The following TMEM132D variants were observed in gnomAD, a reference collection of about 807,000 sequenced individuals.
TMEM132D encodes transmembrane protein 132D, also known as mature OL transmembrane protein.
Under a neutral mutation model 62.3 loss-of-function variants are expected in TMEM132D, and 21 were observed. The observed-to-expected ratio is 0.34, with a 90% CI of 0.24 to 0.49. TMEM132D has a LOEUF of 0.49. Ranked by LOEUF, TMEM132D falls within the 20% of genes least tolerant of loss-of-function variation. TMEM132D has a pLI of 0.99. For missense variants in TMEM132D, 1,346 were observed against 1,402.8 expected, an observed-to-expected ratio of 0.96 and a Z score of 0.65; for synonymous variants, 621 against 575.6, an observed-to-expected ratio of 1.08 and a Z score of -1.13.
chr12:129,091,291 G>T (rs1312862443), intron 5 of TMEM132D, among the ~76,000 whole-genome samples: 1 of 150,942 alleles, frequency 6.6e-6, no homozygotes, highest in Non-Finnish European at 1.5e-5. Context: ...AACTCACATG[G>T]TCTCTGGGGA....
At chr12:129,640,713 G>A (rs1879621445) in intron 2 of TMEM132D, among the ~76,000 whole-genome samples, 1 of 152,206 alleles carries the variant, frequency 6.6e-6, no homozygotes, top group Admixed American at 6.5e-5. Context: ...CCCAGGACCA[G>A]TACCAGTCTG....
chr12:129,717,565 A>G (rs1375703152), intron 1 of TMEM132D, among the ~76,000 whole-genome samples: 2 of 148,738 alleles, frequency 1.3e-5, no homozygotes, highest in African/African-American at 2.5e-5. Context: ...ATATTTCCGT[A>G]TGGGAAACAC....
chr12:129,599,481 T>C (rs553714444), intron 2 of TMEM132D, among the ~76,000 whole-genome samples: 21 of 152,352 alleles, frequency 1.4e-4, no homozygotes, highest in Non-Finnish European at 2.1e-4. Context: ...GACCACACTT[T>C]GTTTAATCCG....
At chr12:129,795,636 G>A (rs537783047) in intron 1 of TMEM132D, among the ~76,000 whole-genome samples, 41 of 152,294 alleles carry the variant, frequency 2.7e-4, no homozygotes, top group African/African-American at 9.6e-4. Flanking sequence ...CGTGTGTAAT[G>A]TGGGGAAAGT....
At position 129,074,933 on chromosome 12, in the gene TMEM132D, C is replaced by T. The variant is rs750749631; in HGVS notation, c.2242G>A (p.Asp748Asn). Reference protein sequence around the residue: ...LDEKVVSIHQDPKFKWPIIAA... With the variant: ...LDEKVVSIHQNPKFKWPIIAA... ...ATGATAGGCCACTTGAATTTGGGGT[C>T]TTGGTGGATGGAGACTACCTTCTCA... is the stretch of plus-strand genomic sequence containing the variant. Residue 748 changes from aspartate to asparagine, a missense_variant, in exon 9 of 9, where the codon GAC (aspartate) becomes AAC (asparagine). Transcript: ENST00000422113. The T allele has an allele frequency of 1.2e-6, 2 of 1,614,002 alleles. No homozygotes were observed. The highest frequency in any genetic ancestry group is 1.1e-5 in the South Asian group (1 of 91,052).
chr12:129,581,604 G>A (rs1280718500), intron 2 of TMEM132D, among the ~76,000 whole-genome samples: 1 of 152,202 alleles, frequency 6.6e-6, no homozygotes. Flanking sequence ...GAAGCATCCA[G>A]CATGGGAGAA....
chr12:129,770,225 C>T (rs748013712), intron 1 of TMEM132D, among the ~76,000 whole-genome samples: 9 of 144,098 alleles, frequency 6.2e-5, no homozygotes, highest in Non-Finnish European at 1.2e-4. Context: ...CTCACTGCAA[C>T]CTCTGACTCC....
chr12:129,685,633 A>G (rs1324796067), intron 2 of TMEM132D, among the ~76,000 whole-genome samples: 1 of 152,190 alleles, frequency 6.6e-6, no homozygotes, highest in East Asian at 1.9e-4. Flanking sequence ...CCACTGGGGT[A>G]CTGCCTAAAG....
Position 129,403,949 on chromosome 12 carries a change from T to C in TMEM132D, c.1116-66132A>G, listed in dbSNP as rs112016086. 8.6e-3 allele frequency among the ~76,000 whole-genome samples: 1,308 copies of C among 152,092 alleles called. 9 individuals carry two copies. Among genetic ancestry groups the C allele is most frequent in the Non-Finnish European group, 0.013 (876 of 67,984 alleles). On this transcript the variant is annotated intron_variant, in intron 3 of 8. Coordinates refer to ENST00000422113, the MANE Select transcript of TMEM132D (RefSeq NM_133448.3). ...TTGAGGTTGGCATGTGCTTTGCGTG[T>C]TGGAGGGTCAGCAAGGATGCCCGTG...
chr12:129,234,596 A>AT (rs1302424091), intron 4 of TMEM132D, among the ~76,000 whole-genome samples: 1 of 152,234 alleles, frequency 6.6e-6, no homozygotes, highest in African/African-American at 2.4e-5. Flanking sequence ...AAACCAGTAT[A>AT]TTTTTTCTGC....
At chr12:129,790,538 A>G (rs1359059276) in intron 1 of TMEM132D, among the ~76,000 whole-genome samples, 1 of 152,118 alleles carries the variant, frequency 6.6e-6, no homozygotes, top group Non-Finnish European at 1.5e-5. Flanking sequence ...CTCTGAAGTC[A>G]AGCTGCTTAT....
At chr12:129,679,179 T>C (rs264507) in intron 2 of TMEM132D, among the ~76,000 whole-genome samples, 41,934 of 151,880 alleles carry the variant, frequency 0.28, 6,029 homozygotes, top group South Asian at 0.36. Flanking sequence ...TATGGATTAA[T>C]TGGAGGTAAA....
chr12:129,865,470 C>T (rs886267060), intron 1 of TMEM132D, among the ~76,000 whole-genome samples: 2 of 152,190 alleles, frequency 1.3e-5, no homozygotes, highest in African/African-American at 4.8e-5. Context: ...TCCGTGTGAG[C>T]TCATCACGGA....
chr12:129,281,380 G>T (rs1307063301), intron 4 of TMEM132D, among the ~76,000 whole-genome samples: 2 of 147,970 alleles, frequency 1.4e-5, no homozygotes, highest in Non-Finnish European at 3.0e-5. Flanking sequence ...TTTTTTGTTT[G>T]TTTGTTTGTT....
chr12:129,501,232 C>T (rs534971557), intron 3 of TMEM132D, among the ~76,000 whole-genome samples: 1 of 152,176 alleles, frequency 6.6e-6, no homozygotes, highest in East Asian at 1.9e-4. Flanking sequence ...CGATCTATCC[C>T]CTCAGATTAG....
chr12:129,451,964 G>C (rs1330949558), intron 3 of TMEM132D, among the ~76,000 whole-genome samples: 1 of 152,200 alleles, frequency 6.6e-6, no homozygotes, highest in East Asian at 1.9e-4. Flanking sequence ...ATGGTGAGTA[G>C]GCAAGTAGCA....
At chr12:129,636,117 T>C (rs1879469302) in intron 2 of TMEM132D, among the ~76,000 whole-genome samples, 1 of 152,216 alleles carries the variant, frequency 6.6e-6, no homozygotes, top group Non-Finnish European at 1.5e-5. Flanking sequence ...CCTGGGTGGC[T>C]ATCCTTAGAG....
At chr12:129,399,100 C>T (rs1871522090) in intron 3 of TMEM132D, among the ~76,000 whole-genome samples, 1 of 148,004 alleles carries the variant, frequency 6.8e-6, no homozygotes, top group Non-Finnish European at 1.5e-5. Flanking sequence ...CTGAACTTAT[C>T]CTTGTATCAG....
At chr12:129,515,234 G>C (rs1420163303) in intron 3 of TMEM132D, among the ~76,000 whole-genome samples, 1 of 152,200 alleles carries the variant, frequency 6.6e-6, no homozygotes, top group Non-Finnish European at 1.5e-5. Context: ...TCGAAACGCT[G>C]TGTCTTGTTG....
Sources: allele counts gnomAD v4.1 joint callset (sites outside exome capture counted in the v4.1 genomes callset), GRCh38; gene constraint gnomAD v4.1.1; transcripts MANE v1.5; gene names NCBI Gene and HGNC (gene_info 2026-07-23, HGNC 2026-07-21).